Variants in GCSH observed in about 807,000 individuals in gnomAD.
The protein encoded by GCSH is glycine cleavage system H protein, mitochondrial.
In GCSH, 15 loss-of-function variants were observed where a neutral mutation model predicts 21.3. That is an observed-to-expected ratio of 0.70 (90% CI 0.47 to 1.08). The LOEUF (loss-of-function observed/expected upper bound fraction) is 1.08. Among genes scored for constraint, GCSH ranks in the 50% least tolerant of loss-of-function variants. The pLI is 0.00. For missense variants in GCSH, 179 were observed against 217.5 expected (o/e 0.82, Z 1.11); for synonymous variants, 59 against 84.5 (o/e 0.70, Z 1.66).
At position 81,087,770 on chromosome 16, in the gene GCSH, T is replaced by C. The variant is rs527747731; in HGVS notation, c.229-106A>G. The C allele has an allele frequency of 1.0e-5, 8 of 792,228 alleles. No homozygotes were observed. The South Asian group carries it at 1.0e-4, about 10-fold the overall frequency. The allele number at this position is 792,228 out of a possible 1,614,324, so 49.1% of individuals were successfully genotyped here. A position where few individuals can be genotyped will look rare whatever the true frequency, so the allele number is the denominator to read the frequency against. ...AATCCCCTATAATGAAGATTTAGTA[T>C]ATATTTTATACTGGAGGGGCTACAT... On this transcript the variant is annotated intron_variant, in intron 2 of 4. Coordinates refer to ENST00000315467, the MANE Select transcript of GCSH (RefSeq NM_004483.5).
chr16:81,088,306 G>A (rs1972325528), intron 2 of GCSH, among the ~76,000 whole-genome samples: 1 of 141,424 alleles, frequency 7.1e-6, no homozygotes, highest in Non-Finnish European at 1.5e-5. Flanking sequence ...TCTCAACTCA[G>A]GAGCTGCAAG....
chr16:81,087,540 T>G, intron 3 of GCSH, 61 bp downstream of exon 3: 1 of 1,115,358 alleles, frequency 9.0e-7, no homozygotes, highest in African/African-American at 1.5e-5. Context: ...ACAAACAAAT[T>G]ACTATTCAAT....
intron 1 of GCSH, among the ~76,000 whole-genome samples, chr16:81,095,554 T>C (rs984159963): frequency 2.6e-5 from 4 of 151,756 alleles, no homozygotes; most frequent in African/African-American, 9.7e-5. Flanking sequence ...GGCTAATTTT[T>C]TGTACTTTTA....
chr16:81,087,987 G>A (rs960725401), intron 2 of GCSH, among the ~76,000 whole-genome samples: 3 of 152,184 alleles, frequency 2.0e-5, no homozygotes, highest in East Asian at 1.9e-4. Context: ...TTAGCTGGGT[G>A]TGGTGGCAGG....
rs1192679829 is a variant in GCSH, at chr16:81,082,299, A to C, written c.*567T>G. 5 of 444,408 alleles carry C rather than the reference A, an allele frequency of 1.1e-5. No individual in the cohort carries two copies. Among genetic ancestry groups the C allele is most frequent in the Admixed American group, 4.9e-5 (2 of 41,228 alleles). The allele number at this position is 444,408 out of a possible 1,614,324, so 27.5% of individuals were successfully genotyped here. ...AAATACTAGCAGAGTTACTAAATGAAATATTAACATCAAAACAAACATGAT... is the reference window on the plus strand; with the variant it reads ...AAATACTAGCAGAGTTACTAAATGACATATTAACATCAAAACAAACATGAT... On this transcript the variant is annotated 3_prime_UTR_variant, in exon 5 of 5. Transcript: ENST00000315467.
At chr16:81,092,547 C>A (rs750738546) in intron 1 of GCSH, among the ~76,000 whole-genome samples, 2 of 151,040 alleles carry the variant, frequency 1.3e-5, no homozygotes, top group African/African-American at 4.9e-5. Context: ...TTGAGACCAG[C>A]CTGGCCAGCA....
chr16:81,096,388 G>C lies in GCSH; in HGVS notation c.-110C>G. On this transcript the variant is annotated 5_prime_UTR_variant, in exon 1 of 5. Transcript: ENST00000315467. ...AGGGAGCCGGCTGGATGGAGGCGCG[G>C]AGGCGGTGCCGCGGGGGCGGGACAG... The C allele has an allele frequency of 2.2e-6, 2 of 891,952 alleles. No homozygotes were observed. The highest frequency in any genetic ancestry group is 1.8e-5 in the African/African-American group (1 of 56,532). The allele number at this position is 891,952 out of a possible 1,614,324, so 55.3% of individuals were successfully genotyped here.
intron 1 of GCSH, among the ~76,000 whole-genome samples, chr16:81,094,625 G>A (rs12444974): frequency 0.098 from 14,885 of 152,212 alleles, 812 homozygotes; most frequent in African/African-American, 0.15. Flanking sequence ...AAACAGAGCG[G>A]ACAGACTATT....
chr16:81,090,438 T>G (rs933491740), intron 2 of GCSH, among the ~76,000 whole-genome samples, 163 bp downstream of exon 2: 1 of 151,892 alleles, frequency 6.6e-6, no homozygotes, highest in Non-Finnish European at 1.5e-5. Flanking sequence ...ACCAGGCTGG[T>G]CTTGAACTCC....
In GCSH at chr16:81,096,294, G is replaced by T. The variant is rs753245149; in HGVS notation, c.-16C>A. 12 of 1,365,700 alleles carry T rather than the reference G, an allele frequency of 8.8e-6. No homozygotes were observed. In the South Asian group the frequency reaches 1.6e-4, roughly 18 times the overall value. 84.6% of individuals were successfully genotyped at this position (1,365,700 alleles called of 1,614,324 possible). ...GCAGCGCCATGTTCGCAGGGGTGCG[G>T]GGGTCGCAGCGCTACGCCTCGGCCA... On this transcript the variant is annotated 5_prime_UTR_variant, in exon 1 of 5. Transcript: ENST00000315467.
chr16:81,096,092 CG>C, intron 1 of GCSH, 38 bp downstream of exon 1: 2 of 1,234,230 alleles, frequency 1.6e-6, no homozygotes, highest in Non-Finnish European at 1.0e-6. Context: ...GCAGCCCAGG[CG>C]GGGAGGGAGC....
chr16:81,084,113 GAGACTAC>G, intron 4 of GCSH: 1 of 380,292 alleles, frequency 2.6e-6, no homozygotes. Flanking sequence ...CCTAGTAACT[GAGACTAC>G]AGGCACATTC....
At chr16:81,089,396 A>G (rs1356057628) in intron 2 of GCSH, among the ~76,000 whole-genome samples, 3 of 152,158 alleles carry the variant, frequency 2.0e-5, no homozygotes, top group Admixed American at 6.6e-5. Flanking sequence ...GAGATGCTCA[A>G]CCTATGCCAT....
chr16:81,084,889 G>A (rs137936478), intron 3 of GCSH, among the ~76,000 whole-genome samples: 71 of 149,464 alleles, frequency 4.8e-4, no homozygotes, highest in African/African-American at 1.7e-3. Context: ...CTAATTTTTT[G>A]TATTTGTAGT....
chr16:81,094,600 A>AT (rs1378159931), intron 1 of GCSH, among the ~76,000 whole-genome samples: 14 of 152,170 alleles, frequency 9.2e-5, no homozygotes, highest in Admixed American at 6.6e-4. Context: ...TTAGTGATGT[A>AT]GGGATCCCTA....
chr16:81,093,396 T>C (rs932605434), intron 1 of GCSH, among the ~76,000 whole-genome samples: 1 of 152,170 alleles, frequency 6.6e-6, no homozygotes, highest in Non-Finnish European at 1.5e-5. Context: ...GTAAGGCTGC[T>C]GTGACCCTCA....
rs1272414327 is a variant in GCSH at position 81,081,953 on chromosome 16, C to G, written c.*913G>C. The stretch of plus-strand genomic sequence containing the variant: ...ACTATCAGAGTCCATTATCTGAGCT[C>G]ATAAAGCTTCAGTCCTTGTCCACTT... On this transcript the variant is annotated 3_prime_UTR_variant, in exon 5 of 5. Transcript: ENST00000315467. The G allele has an allele frequency of 2.2e-6, 1 of 445,882 alleles. No individual in the cohort carries two copies. Among genetic ancestry groups the G allele is most frequent in the East Asian group, 7.0e-5 (1 of 14,264 alleles). 27.6% of individuals were successfully genotyped at this position (445,882 alleles called of 1,614,324 possible).
chr16:81,094,895 G>C (rs917122510), intron 1 of GCSH, among the ~76,000 whole-genome samples: 8 of 152,022 alleles, frequency 5.3e-5, no homozygotes, highest in African/African-American at 9.7e-5. Flanking sequence ...TCAGGAGTTT[G>C]AGACCAGCCT....
intron 1 of GCSH, among the ~76,000 whole-genome samples, chr16:81,093,606 C>T (rs1259494634): frequency 3.3e-5 from 5 of 152,010 alleles, no homozygotes; most frequent in East Asian, 1.9e-4. Flanking sequence ...TTTGGGAGGC[C>T]GAGGCAGGCA....
Sources: gnomAD v4.1 joint callset for allele counts (sites outside exome capture counted in the v4.1 genomes callset) on GRCh38, gnomAD v4.1.1 for gene constraint, MANE v1.5 for transcripts, NCBI Gene and HGNC (gene_info 2026-07-23, HGNC 2026-07-21) for gene names.